The following ARL5A variants were observed in gnomAD, a reference collection of about 807,000 sequenced individuals.
The protein encoded by ARL5A is ARF like GTPase 5A, also known as ADP-ribosylation factor-like protein 5A.
In ARL5A, 18 loss-of-function variants were observed where a neutral mutation model predicts 25.9. The ratio of observed to expected loss-of-function variants is 0.69; its 90% confidence interval spans 0.48 to 1.03. The LOEUF (loss-of-function observed/expected upper bound fraction) is 1.03. ARL5A is among the 50% of genes least tolerant of loss of function. The probability of loss-of-function intolerance (pLI) is 0.00; values close to 1 mark genes in which losing one functional copy is unlikely to be tolerated. For synonymous variants in ARL5A, 61 were observed against 67.5 expected, an observed-to-expected ratio of 0.90 and a Z score of 0.47; for missense variants, 170 against 211.9, an observed-to-expected ratio of 0.80 and a Z score of 1.23.
intron 5 of ARL5A, 63 bp downstream of exon 5, chr2:151,806,758 G>T: frequency 6.7e-7 from 1 of 1,489,946 alleles, no homozygotes; most frequent in South Asian, 1.3e-5. Context: ...GGAGTTTAAA[G>T]AAGATATACA....
chr2:151,828,060 G>A lies in ARL5A; in HGVS notation c.46+71C>T, dbSNP rs1332091768. 6 of 1,528,770 alleles carry A rather than the reference G, an allele frequency of 3.9e-6. No homozygotes were observed. The East Asian group carries it at 7.2e-5, about 18-fold the overall frequency. The allele number at this position is 1,528,770 out of a possible 1,614,324, so 94.7% of individuals were successfully genotyped here. ...GAGCCGCCCACATTCCGAAGTATTC[G>A]GAGACCCCCACCTAGCCGGCCCGAG... On this transcript the variant is annotated intron_variant, in intron 1 of 5. Transcript: ENST00000295087.
rs1016419332 is a variant in ARL5A, at chr2:151,799,085, T to C, written c.*4191A>G. 11 of 152,206 alleles carry C rather than the reference T, an allele frequency of 7.2e-5. No individual in the cohort carries two copies. Among genetic ancestry groups the C allele is most frequent in the African/African-American group, 2.4e-4 (10 of 41,454 alleles). The allele number at this position is 152,206 out of a possible 1,614,324, so 9.4% of individuals were successfully genotyped here. ...ACTTTTTAGCATCCAAAATTGTAATTTCTGGCTTTCTTTCCTTTTTACTCT... is the reference window on the plus strand; with the variant it reads ...ACTTTTTAGCATCCAAAATTGTAATCTCTGGCTTTCTTTCCTTTTTACTCT... On this transcript the variant is annotated 3_prime_UTR_variant, in exon 6 of 6. Transcript: ENST00000295087.
chr2:151,822,007 G>A (rs559548076), intron 1 of ARL5A, among the ~76,000 whole-genome samples: 11 of 151,852 alleles, frequency 7.2e-5, no homozygotes, highest in South Asian at 6.2e-4. Flanking sequence ...GCACCACCAC[G>A]CCCAGCTAAT....
chr2:151,814,405 T>C, intron 2 of ARL5A, 89 bp from the exon 3 acceptor site: 1 of 1,023,956 alleles, frequency 9.8e-7, no homozygotes, highest in Admixed American at 2.7e-5. Context: ...CAGCATGACC[T>C]CCTTTTATAA....
At chr2:151,818,727 T>C (rs368041834) in intron 1 of ARL5A, among the ~76,000 whole-genome samples, 26 of 152,346 alleles carry the variant, frequency 1.7e-4, no homozygotes, top group African/African-American at 6.0e-4. Flanking sequence ...AGCATTCCTT[T>C]TTTGATGATG....
At chr2:151,827,687 G>A (rs544994123) in intron 1 of ARL5A, 1 of 161,128 alleles carries the variant, frequency 6.2e-6, no homozygotes, top group East Asian at 1.9e-4. Context: ...TCCGCATTCT[G>A]CAACCCTCGG....
At chr2:151,823,909 G>A (rs78224801) in intron 1 of ARL5A, among the ~76,000 whole-genome samples, 1,943 of 152,322 alleles carry the variant, frequency 0.013, 22 homozygotes, top group Middle Eastern at 0.031. Flanking sequence ...GCTACAAGCA[G>A]AGCCCGTCAA....
intron 1 of ARL5A, among the ~76,000 whole-genome samples, chr2:151,822,254 A>G (rs938072892): frequency 2.0e-5 from 3 of 152,212 alleles, no homozygotes; most frequent in Non-Finnish European, 4.4e-5. Context: ...CAGGTGATCC[A>G]TCTGCCTTGG....
rs2099829074 is a variant in ARL5A at position 151,799,097 on chromosome 2, T to C, written c.*4179A>G. On this transcript the variant is annotated 3_prime_UTR_variant, in exon 6 of 6. Coordinates refer to ENST00000295087, the MANE Select transcript of ARL5A (RefSeq NM_012097.4). Reference sequence around the variant, plus strand: ...CCAAAATTGTAATTTCTGGCTTTCTTTCCTTTTTACTCTATTATCATGGTC... The same window carrying C: ...CCAAAATTGTAATTTCTGGCTTTCTCTCCTTTTTACTCTATTATCATGGTC... 1 of 152,202 alleles carries C rather than the reference T, an allele frequency of 6.6e-6. No homozygotes were observed. Among genetic ancestry groups the C allele is most frequent in the African/African-American group, 2.4e-5 (1 of 41,458 alleles). 9.4% of individuals were successfully genotyped at this position (152,202 alleles called of 1,614,324 possible).
intron 4 of ARL5A, among the ~76,000 whole-genome samples, chr2:151,808,231 A>G (rs2099830343): frequency 6.6e-6 from 1 of 152,198 alleles, no homozygotes. Context: ...ATATAAAATT[A>G]AGGTTTTGGT....
rs552210327 is a variant in ARL5A at position 151,801,740 on chromosome 2, A to G, written c.*1536T>C. 1 of 152,180 alleles carries G rather than the reference A, an allele frequency of 6.6e-6. No homozygotes were observed. The highest frequency in any genetic ancestry group is 1.9e-4 in the East Asian group (1 of 5,182). The allele number at this position is 152,180 out of a possible 1,614,324, so 9.4% of individuals were successfully genotyped here. On this transcript the variant is annotated 3_prime_UTR_variant, in exon 6 of 6. Coordinates refer to ENST00000295087, the MANE Select transcript of ARL5A (RefSeq NM_012097.4). ...CTTAAACTATATACTATTATTCCTC[A>G]CCAAAATCTTCATGAAATTTAAAAG...
intron 4 of ARL5A, among the ~76,000 whole-genome samples, chr2:151,808,813 C>A (rs1559818789): frequency 6.6e-6 from 1 of 152,062 alleles, no homozygotes; most frequent in Non-Finnish European, 1.5e-5. Flanking sequence ...TTTGGAAGGC[C>A]GAGGTGGGTG....
At chr2:151,823,686 C>T (rs778642226) in intron 1 of ARL5A, among the ~76,000 whole-genome samples, 32 of 152,178 alleles carry the variant, frequency 2.1e-4, no homozygotes, top group Non-Finnish European at 4.3e-4. Flanking sequence ...CAGATAGTGG[C>T]TCACTGAATG....
At chr2:151,805,443 A>G (rs1051184068) in intron 5 of ARL5A, among the ~76,000 whole-genome samples, 6 of 152,182 alleles carry the variant, frequency 3.9e-5, no homozygotes, top group African/African-American at 1.4e-4. Context: ...CCCAAACTTA[A>G]GACTTCTATT....
intron 5 of ARL5A, 63 bp from the exon 6 acceptor site, chr2:151,803,387 T>G (rs951021890): frequency 1.7e-6 from 2 of 1,183,518 alleles, no homozygotes; most frequent in African/African-American, 1.5e-5. Flanking sequence ...CAGCAAACTA[T>G]GAACAGCAAA....
intron 1 of ARL5A, among the ~76,000 whole-genome samples, chr2:151,819,548 G>A (rs1473129063): frequency 6.6e-6 from 1 of 152,106 alleles, no homozygotes; most frequent in Non-Finnish European, 1.5e-5. Flanking sequence ...TTGAATAATA[G>A]TAGGACATAC....
At chr2:151,826,881 G>A (rs891186554) in intron 1 of ARL5A, among the ~76,000 whole-genome samples, 2 of 152,154 alleles carry the variant, frequency 1.3e-5, no homozygotes, top group Non-Finnish European at 2.9e-5. Context: ...CCTCTTATCA[G>A]AAAAATTGAT....
rs556949739 is a variant in ARL5A, at chr2:151,801,297, G to C, written c.*1979C>G. 90 of 152,318 alleles carry C rather than the reference G, an allele frequency of 5.9e-4. 1 individual carries two copies. Among genetic ancestry groups the C allele is most frequent in the African/African-American group, 2.0e-3 (85 of 41,586 alleles). 9.4% of individuals were successfully genotyped at this position (152,318 alleles called of 1,614,324 possible). On this transcript the variant is annotated 3_prime_UTR_variant, in exon 6 of 6. Coordinates refer to ENST00000295087, the MANE Select transcript of ARL5A (RefSeq NM_012097.4). The stretch of plus-strand genomic sequence containing the variant: ...AGCCAACACCTTGATGATGACAAGG[G>C]AATGTGCTGATATCGTGTTAAACTG...
chr2:151,807,016 A>G (rs2151292212), intron 4 of ARL5A, 44 bp from the exon 5 acceptor site: 5 of 1,513,318 alleles, frequency 3.3e-6, no homozygotes, highest in Non-Finnish European at 4.4e-6. Flanking sequence ...CATTTTCCAC[A>G]TATTTTTCAA....
Sources: allele counts gnomAD v4.1 joint callset (sites outside exome capture counted in the v4.1 genomes callset), GRCh38; gene constraint gnomAD v4.1.1; transcripts MANE v1.5; gene names NCBI Gene and HGNC (gene_info 2026-07-23, HGNC 2026-07-21).